The following ZFPM2 variants were observed in gnomAD, a reference collection of about 807,000 sequenced individuals.
ZFPM2 encodes zinc finger protein, FOG family member 2.
Under a neutral mutation model 98.6 loss-of-function variants are expected in ZFPM2, and 20 were observed. The ratio of observed to expected loss-of-function variants is 0.20; its 90% confidence interval spans 0.14 to 0.29. The LOEUF (loss-of-function observed/expected upper bound fraction) is 0.29, where lower values mean the gene tolerates loss of function less well. ZFPM2 is among the 10% of genes least tolerant of loss of function. The pLI is 1.00. For missense variants in ZFPM2, 1,310 were observed against 1,388.6 expected, an observed-to-expected ratio of 0.94 and a Z score of 0.90; for synonymous variants, 518 against 502.7, an observed-to-expected ratio of 1.03 and a Z score of -0.41.
At chr8:105,628,365 A>C (rs1816696818) in intron 4 of ZFPM2, among the ~76,000 whole-genome samples, 1 of 152,174 alleles carries the variant, frequency 6.6e-6, no homozygotes, top group Non-Finnish European at 1.5e-5. Flanking sequence ...TTGTATTTTA[A>C]AGCAAGAACA....
chr8:105,506,424 A>G (rs373442141), intron 3 of ZFPM2, among the ~76,000 whole-genome samples: 26 of 152,310 alleles, frequency 1.7e-4, no homozygotes, highest in African/African-American at 5.8e-4. Flanking sequence ...TCTAATTCAG[A>G]TTATTTCTTA....
chr8:105,363,146 G>GGT, intron 1 of ZFPM2, among the ~76,000 whole-genome samples: 1 of 152,124 alleles, frequency 6.6e-6, no homozygotes, highest in East Asian at 1.9e-4. Flanking sequence ...TGTTTCATAA[G>GGT]ATAATTCTTA....
intron 5 of ZFPM2, among the ~76,000 whole-genome samples, chr8:105,700,575 T>C (rs916256491): frequency 2.0e-5 from 3 of 151,010 alleles, no homozygotes; most frequent in African/African-American, 7.3e-5. Flanking sequence ...TGTTTGTTTG[T>C]TTGTTTGTTT....
intron 5 of ZFPM2, chr8:105,675,931 C>G (rs1472395521): frequency 6.6e-6 from 1 of 152,118 alleles, no homozygotes; most frequent in East Asian, 1.9e-4. Context: ...TTCAAAGTCA[C>G]ACAGTTAGCA....
At chr8:105,441,455 A>AT in intron 2 of ZFPM2, among the ~76,000 whole-genome samples, 1 of 56,566 alleles carries the variant, frequency 1.8e-5, no homozygotes, top group Non-Finnish European at 3.2e-5. Context: ...AGAGAGAGAG[A>AT]AAGAAAGAAA....
At chr8:105,684,687 G>C (rs1199177538) in intron 5 of ZFPM2, among the ~76,000 whole-genome samples, 1 of 152,084 alleles carries the variant, frequency 6.6e-6, no homozygotes, top group Non-Finnish European at 1.5e-5. Flanking sequence ...TTTACAGTTA[G>C]AGGAGTGGGA....
chr8:105,362,698 G>A (rs534180150), intron 1 of ZFPM2, among the ~76,000 whole-genome samples: 15 of 152,212 alleles, frequency 9.9e-5, no homozygotes, highest in Non-Finnish European at 1.2e-4. Flanking sequence ...ATAAATGCGC[G>A]GAAAGTCTGA....
At chr8:105,445,907 G>GTTCTT (rs1283546632) in intron 3 of ZFPM2, among the ~76,000 whole-genome samples, 1 of 150,394 alleles carries the variant, frequency 6.6e-6, no homozygotes, top group African/African-American at 2.4e-5. Flanking sequence ...GCCTCTTACA[G>GTTCTT]TTCTTTTCTT....
At chr8:105,608,993 GAA>G (rs1425611979) in intron 4 of ZFPM2, among the ~76,000 whole-genome samples, 1 of 151,902 alleles carries the variant, frequency 6.6e-6, no homozygotes, top group African/African-American at 2.4e-5. Flanking sequence ...AACAAGGAAA[GAA>G]GAGACACATG....
At chr8:105,444,177 C>T (rs568833824) in intron 2 of ZFPM2, 103 bp from the exon 3 acceptor site, 3 of 858,222 alleles carry the variant, frequency 3.5e-6, no homozygotes, top group East Asian at 2.7e-5. Context: ...GTATAACAAA[C>T]CTGTAATTAG....
intron 1 of ZFPM2, among the ~76,000 whole-genome samples, chr8:105,361,508 T>A (rs1303141566): frequency 1.3e-5 from 2 of 151,990 alleles, no homozygotes; most frequent in South Asian, 2.1e-4. Flanking sequence ...TGGCTTTTGT[T>A]GCCATTGCTT....
At chr8:105,552,213 C>T (rs1449967628) in intron 3 of ZFPM2, among the ~76,000 whole-genome samples, 1 of 152,136 alleles carries the variant, frequency 6.6e-6, no homozygotes, top group African/African-American at 2.4e-5. Flanking sequence ...CCTTCTCTGA[C>T]CTGTACTCTT....
At chr8:105,628,837 T>C (rs1293012781) in intron 4 of ZFPM2, among the ~76,000 whole-genome samples, 5 of 152,102 alleles carry the variant, frequency 3.3e-5, no homozygotes, top group Non-Finnish European at 7.4e-5. Context: ...AGACAAGAGC[T>C]TGGGAGCCAC....
intron 2 of ZFPM2, among the ~76,000 whole-genome samples, chr8:105,442,264 A>G (rs1019041242): frequency 6.6e-6 from 1 of 152,098 alleles, no homozygotes; most frequent in Non-Finnish European, 1.5e-5. Context: ...GAATGGCATG[A>G]ACTCAGGAGG....
At chr8:105,761,669 T>C (rs1812737064) in intron 5 of ZFPM2, among the ~76,000 whole-genome samples, 1 of 151,954 alleles carries the variant, frequency 6.6e-6, no homozygotes, top group African/African-American at 2.4e-5. Flanking sequence ...TGTCTCAAGA[T>C]ATTTCTTTGA....
chr8:105,752,282 T>C (rs777375630), intron 5 of ZFPM2, among the ~76,000 whole-genome samples: 2 of 152,200 alleles, frequency 1.3e-5, no homozygotes, highest in East Asian at 1.9e-4. Context: ...CTAGGGTTTA[T>C]GAAATGGCAG....
intron 4 of ZFPM2, among the ~76,000 whole-genome samples, chr8:105,597,610 ATTG>A (rs1554620521): frequency 1.3e-5 from 2 of 151,918 alleles, no homozygotes; most frequent in Non-Finnish European, 2.9e-5. Context: ...TTTTCTTTGC[ATTG>A]TTTTTCATCA....
chr8:105,546,426 G>A (rs548175785), intron 3 of ZFPM2, among the ~76,000 whole-genome samples: 2 of 151,752 alleles, frequency 1.3e-5, no homozygotes, highest in Admixed American at 6.6e-5. Flanking sequence ...AAAATTAGAC[G>A]GGCGTGGTGG....
At chr8:105,669,189 G>C (rs1281814632) in intron 5 of ZFPM2, among the ~76,000 whole-genome samples, 4 of 151,814 alleles carry the variant, frequency 2.6e-5, no homozygotes. Context: ...GTGAATATAG[G>C]TTCATGAAAA....
Sources: gnomAD v4.1 joint callset for allele counts (sites outside exome capture counted in the v4.1 genomes callset) on GRCh38, gnomAD v4.1.1 for gene constraint, MANE v1.5 for transcripts, NCBI Gene and HGNC (gene_info 2026-07-23, HGNC 2026-07-21) for gene names.